SRPK2: variants seen among roughly 807,000 people sequenced by gnomAD.
SRPK2 encodes the protein SFRS protein kinase 2.
SRPK2 carries 21 observed loss-of-function variants against 90.8 expected under a neutral mutation model. The ratio of observed to expected loss-of-function variants is 0.23; its 90% CI spans 0.16 to 0.33. SRPK2 has a LOEUF of 0.33. Ranked by LOEUF, SRPK2 falls within the 10% of genes least tolerant of loss-of-function variation. The pLI, the probability that SRPK2 is intolerant of heterozygous loss-of-function variation, is 1.00. For synonymous variants in SRPK2, 288 were observed against 311.1 expected, an observed-to-expected ratio of 0.93 and a Z score of 0.78; for missense variants, 620 against 869.0, an observed-to-expected ratio of 0.71 and a Z score of 3.60.
At chr7:105,115,679 C>T (rs189101458), downstream of SRPK2, among the ~76,000 whole-genome samples, 1 of 152,210 alleles carries the variant, frequency 6.6e-6, no homozygotes, top group East Asian at 1.9e-4. Context: ...CTAGAACAAC[C>T]GTTTCTGTAT....
chr7:105,258,138 G>A (rs1308418733), intron 2 of SRPK2, among the ~76,000 whole-genome samples: 1 of 151,798 alleles, frequency 6.6e-6, no homozygotes, highest in African/African-American at 2.4e-5. Context: ...ATGATATGAG[G>A]CCAGGTGCGG....
chr7:105,115,600 A>C (rs570394274), downstream of SRPK2: 1 of 152,312 alleles, frequency 6.6e-6, no homozygotes, highest in Non-Finnish European at 1.5e-5. Context: ...GTTTTTGTGC[A>C]TTCTTTATCA....
chr7:105,174,244 C>T lies in SRPK2; in HGVS notation c.230-4979G>A, dbSNP rs370169897. 4.9e-4 allele frequency among the ~76,000 whole-genome samples: 75 copies of T among 152,140 alleles called. No homozygotes were observed. The East Asian group carries it at 0.01, about 20-fold the overall frequency. On this transcript the variant is annotated intron_variant, in intron 3 of 15. Coordinates refer to ENST00000393651, the MANE Select transcript of SRPK2 (RefSeq NM_182692.3). Reference sequence around the variant, plus strand: ...CTCTACCTATGCTAATAAGAAGACTCCAAAGAAGAAAATTTTAAAACTCTC... The same window carrying T: ...CTCTACCTATGCTAATAAGAAGACTTCAAAGAAGAAAATTTTAAAACTCTC...
upstream of SRPK2, among the ~76,000 whole-genome samples, chr7:105,390,787 A>G (rs1430054313): frequency 6.6e-6 from 1 of 151,854 alleles, no homozygotes; most frequent in African/African-American, 2.4e-5. Context: ...TGTTTATAAC[A>G]TTGACTTTTT....
chr7:105,326,783 C>T (rs1048654369), intron 2 of SRPK2, among the ~76,000 whole-genome samples: 4 of 152,104 alleles, frequency 2.6e-5, no homozygotes, highest in East Asian at 1.9e-4. Context: ...TAAAGGTGGC[C>T]GGGCGCGGTG....
At chr7:105,275,635 T>G (rs899167689) in intron 2 of SRPK2, among the ~76,000 whole-genome samples, 1 of 152,200 alleles carries the variant, frequency 6.6e-6, no homozygotes, top group African/African-American at 2.4e-5. Flanking sequence ...GACCACTAAC[T>G]AAGGGCTATC....
chr7:105,397,660 G>A lies in SRPK2; in HGVS notation n.153+1496C>T, dbSNP rs180996127. 4.7e-3 allele frequency among the ~76,000 whole-genome samples: 688 copies of A among 145,530 alleles called. 5 individuals carry two copies. The highest frequency in any genetic ancestry group is 8.4e-3 in the Non-Finnish European group (555 of 66,208). On this transcript the variant is annotated intron_variant and non_coding_transcript_variant, in intron 1 of 3. Transcript: ENST00000462282. ...ATATTTTAAAGTAATTTTTTTTTTT[G>A]GGAGACTGAGTCTCACTCTATCACC...
At chr7:105,272,530 T>G (rs1288552110) in intron 2 of SRPK2, among the ~76,000 whole-genome samples, 1 of 152,158 alleles carries the variant, frequency 6.6e-6, no homozygotes, top group Admixed American at 6.5e-5. Flanking sequence ...TGCTTTTACA[T>G]TTGCTTTCTC....
chr7:105,287,812 G>A (rs549816341), intron 2 of SRPK2, among the ~76,000 whole-genome samples: 1 of 152,168 alleles, frequency 6.6e-6, no homozygotes, highest in African/African-American at 2.4e-5. Context: ...GGAAACATAG[G>A]CAGGAAGATC....
At chr7:105,335,432 G>A (rs967940935) in intron 2 of SRPK2, among the ~76,000 whole-genome samples, 1 of 152,094 alleles carries the variant, frequency 6.6e-6, no homozygotes, top group African/African-American at 2.4e-5. Context: ...GACAGAAGCA[G>A]GAGAACTGGA....
chr7:105,387,603 G>A (rs1821766152), intron 2 of SRPK2, among the ~76,000 whole-genome samples: 1 of 151,260 alleles, frequency 6.6e-6, no homozygotes, highest in Non-Finnish European at 1.5e-5. Flanking sequence ...AAAAGTGAGC[G>A]TGCTGCGACG....
chr7:105,161,725 A>T (rs1807690535), intron 6 of SRPK2, among the ~76,000 whole-genome samples: 1 of 152,236 alleles, frequency 6.6e-6, no homozygotes. Flanking sequence ...GATAAGCTAC[A>T]TAAAACACAT....
At chr7:105,394,181 C>T (rs552096012), upstream of SRPK2, among the ~76,000 whole-genome samples, 62 of 144,738 alleles carry the variant, frequency 4.3e-4, no homozygotes, top group African/African-American at 1.3e-3. Flanking sequence ...CTCATTCTGT[C>T]GCCCAGGCTG....
intron 2 of SRPK2, among the ~76,000 whole-genome samples, chr7:105,363,253 G>T (rs1157327199): frequency 6.6e-6 from 1 of 151,796 alleles, no homozygotes; most frequent in Non-Finnish European, 1.5e-5. Flanking sequence ...CTACAGAATG[G>T]GAGAAAATTT....
intron 15 of SRPK2, among the ~76,000 whole-genome samples, chr7:105,120,318 T>G (rs1800155784): frequency 6.6e-6 from 1 of 152,174 alleles, no homozygotes. Context: ...AGGCGCCAGG[T>G]GTTAAACTAA....
At chr7:105,284,716 T>C (rs1360555805) in intron 2 of SRPK2, among the ~76,000 whole-genome samples, 1 of 152,184 alleles carries the variant, frequency 6.6e-6, no homozygotes, top group Admixed American at 6.5e-5. Flanking sequence ...AATTCTCACC[T>C]CGAGCATCAG....
chr7:105,188,405 A>T (rs1019444524), intron 3 of SRPK2, among the ~76,000 whole-genome samples: 1 of 152,246 alleles, frequency 6.6e-6, no homozygotes, highest in African/African-American at 2.4e-5. Flanking sequence ...CTGGAATTTT[A>T]AAGTGGTGAG....
intron 2 of SRPK2, among the ~76,000 whole-genome samples, chr7:105,355,894 C>A (rs895315374): frequency 3.3e-5 from 5 of 151,342 alleles, no homozygotes; most frequent in Non-Finnish European, 7.4e-5. Flanking sequence ...ACAAAAAATA[C>A]AAAAATTAGC....
intron 2 of SRPK2, among the ~76,000 whole-genome samples, chr7:105,270,618 A>C (rs1051401125): frequency 1.8e-4 from 28 of 152,056 alleles, no homozygotes; most frequent in Non-Finnish European, 8.8e-5. Flanking sequence ...CATGTTGGTC[A>C]GGCTGGTCTT....
Sources: gnomAD v4.1 joint callset for allele counts (sites outside exome capture counted in the v4.1 genomes callset) on GRCh38, gnomAD v4.1.1 for gene constraint, MANE v1.5 for transcripts, NCBI Gene and HGNC (gene_info 2026-07-23, HGNC 2026-07-21) for gene names.